The following C5 variants were observed in gnomAD, a reference collection of about 807,000 sequenced individuals.
The protein encoded by C5 is complement C5, also known as C3 and PZP-like alpha-2-macroglobulin domain-containing protein 4.
Under a neutral mutation model 218.8 loss-of-function variants are expected in C5, and 140 were observed. The observed-to-expected ratio is 0.64, with a 90% CI of 0.56 to 0.74. The LOEUF (loss-of-function observed/expected upper bound fraction) is 0.74, where lower values mean the gene tolerates loss of function less well. Ranked by LOEUF, C5 falls within the 30% of genes least tolerant of loss-of-function variation. The probability of loss-of-function intolerance (pLI) is 0.00; values close to 1 mark genes in which losing one functional copy is unlikely to be tolerated. For missense variants in C5, 1,700 were observed against 1,969.6 expected, an observed-to-expected ratio of 0.86 and a Z score of 2.59; for synonymous variants, 614 against 682.3, an observed-to-expected ratio of 0.90 and a Z score of 1.56.
intron 7 of C5, 24 bp downstream of exon 7, chr9:121,030,370 AAAC>A (rs754178766): frequency 1.1e-5 from 13 of 1,224,916 alleles, no homozygotes; most frequent in South Asian, 4.2e-5. Flanking sequence ...ATAAAAATAA[AAAC>A]AACAAAAAAA....
chr9:121,065,458 T>C, the C5 span, among the ~76,000 whole-genome samples: 3 of 150,882 alleles, frequency 2.0e-5, no homozygotes, highest in Admixed American at 6.6e-5. Context: ...ACAGCATTAC[T>C]TTTTTTGTTT....
chr9:121,009,215 T>C (rs41309872), intron 17 of C5, among the ~76,000 whole-genome samples: 16,137 of 152,298 alleles, frequency 0.11, 912 homozygotes, highest in African/African-American at 0.14. Context: ...AAAAATGGAC[T>C]GAACTTCTGT....
chr9:120,986,116 G>A (rs989766296), intron 25 of C5, among the ~76,000 whole-genome samples: 1 of 152,148 alleles, frequency 6.6e-6, no homozygotes, highest in African/African-American at 2.4e-5. Flanking sequence ...TTGGGTTGCT[G>A]GCTCCTGAAT....
the C5 span, among the ~76,000 whole-genome samples, chr9:121,072,478 A>G: frequency 2.6e-5 from 4 of 152,270 alleles, no homozygotes; most frequent in African/African-American, 7.2e-5. Flanking sequence ...ACACATTCCA[A>G]TCTAATAAAT....
chr9:121,020,130 C>T lies in C5; in HGVS notation c.1352G>A (p.Gly451Asp). The change falls in exon 12 of 41, where the codon GGT becomes GAT. Residue 451 changes from glycine to aspartate, a missense_variant. Physicochemically the swap from Gly to Asp is moderately conservative, Grantham distance 94. Transcript: ENST00000223642. ...DLPEENQARE[G>D]YRAIAYSSLS... ...AGATGAGTATGCTATTGCTCGGTAA[C>T]CTTCCCTGGCCTGATTTTCTTCTGG... 1.2e-6 allele frequency: 2 copies of T among 1,614,002 alleles called. No individual in the cohort carries two copies. Among genetic ancestry groups the T allele is most frequent in the Non-Finnish European group, 1.7e-6 (2 of 1,179,922 alleles).
At chr9:121,001,900 T>C (rs1266499825) in intron 20 of C5, among the ~76,000 whole-genome samples, 1 of 152,076 alleles carries the variant, frequency 6.6e-6, no homozygotes, top group African/African-American at 2.4e-5. Flanking sequence ...TGTAGGAAGA[T>C]ATGTATGCAT....
intron 20 of C5, among the ~76,000 whole-genome samples, chr9:121,002,328 A>ATATATG (rs2047178623): frequency 8.8e-6 from 1 of 113,036 alleles, no homozygotes; most frequent in African/African-American, 2.9e-5. Flanking sequence ...ATATATATAT[A>ATATATG]TATATATATA....
intron 9 of C5, 80 bp downstream of exon 9, chr9:121,025,370 ATTAT>A (rs1268462285): frequency 7.5e-7 from 1 of 1,337,674 alleles, no homozygotes; most frequent in Non-Finnish European, 9.8e-7. Context: ...GAAATTGGAA[ATTAT>A]TTATATCTTT....
At chr9:120,979,812 G>A (rs1323654230) in intron 28 of C5, 1 of 399,610 alleles carries the variant, frequency 2.5e-6, no homozygotes, top group Non-Finnish European at 4.7e-6. Flanking sequence ...CCAGGAGATC[G>A]AGGCTGCAGT....
chr9:121,033,048 A>G (rs563664456), intron 5 of C5, among the ~76,000 whole-genome samples: 35 of 151,010 alleles, frequency 2.3e-4, no homozygotes, highest in Non-Finnish European at 4.9e-4. Context: ...GTATGTATGT[A>G]TATATGTGTG....
intron 37 of C5, 65 bp from the exon 38 acceptor site, chr9:120,960,402 T>C: frequency 9.3e-7 from 1 of 1,075,912 alleles, no homozygotes. Flanking sequence ...TTTCCAGGAG[T>C]AAACACGGTT....
At chr9:121,006,477 T>C (rs2047216506) in intron 19 of C5, among the ~76,000 whole-genome samples, 1 of 152,142 alleles carries the variant, frequency 6.6e-6, no homozygotes, top group African/African-American at 2.4e-5. Context: ...ATCATAAAGA[T>C]CAGCCCAAGA....
At chr9:121,000,476 T>C (rs953809096) in intron 20 of C5, among the ~76,000 whole-genome samples, 2 of 152,168 alleles carry the variant, frequency 1.3e-5, no homozygotes, top group African/African-American at 4.8e-5. Flanking sequence ...AGAGAATCTA[T>C]AAATAGATCC....
intron 30 of C5, among the ~76,000 whole-genome samples, chr9:120,973,434 G>C (rs2046929405): frequency 6.6e-6 from 1 of 152,172 alleles, no homozygotes; most frequent in South Asian, 2.1e-4. Context: ...AGAGGCCCGG[G>C]CACAAAGCAG....
At chr9:120,982,329 C>A (rs571711913) in intron 26 of C5, among the ~76,000 whole-genome samples, 14 of 151,964 alleles carry the variant, frequency 9.2e-5, no homozygotes, top group Non-Finnish European at 1.9e-4. Flanking sequence ...TGTTTTAAGC[C>A]TTATCTCCCA....
intron 11 of C5, among the ~76,000 whole-genome samples, chr9:121,020,418 GAGAGAA>G (rs2047354706): frequency 6.6e-6 from 1 of 152,200 alleles, no homozygotes; most frequent in African/African-American, 2.4e-5. Context: ...CTGAAATGAA[GAGAGAA>G]AGATGCTCCA....
At chr9:120,996,117 C>T in intron 22 of C5, 123 bp downstream of exon 22, 1 of 823,812 alleles carries the variant, frequency 1.2e-6, no homozygotes, top group Non-Finnish European at 2.1e-6. Context: ...CTGTGCCTGG[C>T]CAGAAGTGGA....
At chr9:120,969,505 A>G (rs1341437287) in intron 32 of C5, among the ~76,000 whole-genome samples, 1 of 152,228 alleles carries the variant, frequency 6.6e-6, no homozygotes, top group Non-Finnish European at 1.5e-5. Flanking sequence ...ATCAGGGCAG[A>G]GGCAGCAACA....
At chr9:121,010,193 T>A (rs1337007694) in intron 17 of C5, among the ~76,000 whole-genome samples, 1 of 152,218 alleles carries the variant, frequency 6.6e-6, no homozygotes, top group Non-Finnish European at 1.5e-5. Flanking sequence ...AGAAGTCAAG[T>A]TATCCTTGTA....
Sources: allele counts gnomAD v4.1 joint callset (sites outside exome capture counted in the v4.1 genomes callset), GRCh38; gene constraint gnomAD v4.1.1; transcripts MANE v1.5; gene names NCBI Gene and HGNC (gene_info 2026-07-23, HGNC 2026-07-21).